Variants in BTBD7 observed in about 807,000 individuals in gnomAD.
BTBD7 encodes the protein BTB/POZ domain-containing protein 7.
In BTBD7, 38 loss-of-function variants were observed where a neutral mutation model predicts 99.9. The observed-to-expected ratio is 0.38, with a 90% CI of 0.29 to 0.50. The LOEUF (loss-of-function observed/expected upper bound fraction) is 0.50. Ranked by LOEUF, BTBD7 falls within the 20% of genes least tolerant of loss-of-function variation. The probability of loss-of-function intolerance (pLI) is 0.93; values close to 1 mark genes in which losing one functional copy is unlikely to be tolerated. For synonymous variants in BTBD7, 520 were observed against 511.4 expected, an observed-to-expected ratio of 1.02 and a Z score of -0.23; for missense variants, 1,170 against 1,394.6, an observed-to-expected ratio of 0.84 and a Z score of 2.57.
At chr14:93,288,644 T>C in intron 3 of BTBD7, 2 of 1,296,458 alleles carry the variant, frequency 1.5e-6, no homozygotes, top group Non-Finnish European at 2.2e-6. Context: ...TATTTAAGAT[T>C]GAGGCAGTAA....
chr14:93,257,475 A>G, intron 5 of BTBD7, 120 bp from the exon 6 acceptor site: 1 of 840,892 alleles, frequency 1.2e-6, no homozygotes, highest in Non-Finnish European at 1.8e-6. Context: ...CTCTGCTTTA[A>G]AAAGGGTTAT....
Position 93,260,692 on chromosome 14 carries a change from T to C in BTBD7, c.1447+910A>G, listed in dbSNP as rs150527981. ...CCTCAGCTTCCCAGGTGGCAGGGAT[T>C]ACAGGCACATGCCACCATGCCCAGC... is the stretch of plus-strand genomic sequence containing the variant. On this transcript the variant is annotated intron_variant, in intron 5 of 10. Coordinates refer to ENST00000334746, the MANE Select transcript of BTBD7 (RefSeq NM_001002860.4). Among the ~76,000 whole-genome samples the C allele has an allele frequency of 2.0e-3, 310 of 152,182 alleles. 5 individuals are homozygous for C. In the East Asian group the frequency reaches 0.022, roughly 11 times the overall value.
Position 93,332,950 on chromosome 14 carries a change from G to T in BTBD7, c.-237C>A, listed in dbSNP as rs920569872. The T allele has an allele frequency of 2.6e-6, 2 of 776,384 alleles. No individual in the cohort carries two copies. Among genetic ancestry groups the T allele is most frequent in the African/African-American group, 1.9e-5 (1 of 53,430 alleles). 48.1% of individuals were successfully genotyped at this position (776,384 alleles called of 1,614,324 possible). On this transcript the variant is annotated 5_prime_UTR_variant, in exon 1 of 11. Coordinates refer to ENST00000334746, the MANE Select transcript of BTBD7 (RefSeq NM_001002860.4). ...CCATCCTCCTCCCACCGCCGCCGCCGCCGCCCTCTCCTCTCCTGTCAGTGG... is the reference window on the plus strand; with the variant it reads ...CCATCCTCCTCCCACCGCCGCCGCCTCCGCCCTCTCCTCTCCTGTCAGTGG...
chr14:93,310,934 CAT>C (rs2053130065), intron 1 of BTBD7, among the ~76,000 whole-genome samples: 1 of 152,012 alleles, frequency 6.6e-6, no homozygotes, highest in Admixed American at 6.5e-5. Flanking sequence ...AAAACGATCA[CAT>C]GATAGTCTAT....
intron 5 of BTBD7, among the ~76,000 whole-genome samples, chr14:93,258,155 A>AT (rs1566838829): frequency 6.6e-6 from 1 of 151,794 alleles, no homozygotes; most frequent in African/African-American, 2.4e-5. Context: ...GAAATGCTGG[A>AT]TTTTTTTCAA....
rs578111294 is a variant in BTBD7 at position 93,324,953 on chromosome 14, C to T, written c.-107+7867G>A. Among the ~76,000 whole-genome samples the T allele has an allele frequency of 1.4e-3, 214 of 152,138 alleles. 1 individual carries two copies. The highest frequency in any genetic ancestry group is 2.6e-3 in the Non-Finnish European group (178 of 68,018). ...AGAACTCCAAACAATGGGATAAACA[C>T]ACACAAGACAGAGGCACAGGGAACA... On this transcript the variant is annotated intron_variant, in intron 1 of 10. Coordinates refer to ENST00000334746, the MANE Select transcript of BTBD7 (RefSeq NM_001002860.4).
At chr14:93,311,009 G>A (rs972889671) in intron 1 of BTBD7, among the ~76,000 whole-genome samples, 1 of 152,016 alleles carries the variant, frequency 6.6e-6, no homozygotes, top group Admixed American at 6.5e-5. Context: ...CTATTCAGTT[G>A]TCCTGATGCA....
intron 1 of BTBD7, among the ~76,000 whole-genome samples, chr14:93,304,677 C>T (rs2053049712): frequency 6.6e-6 from 1 of 152,046 alleles, no homozygotes; most frequent in South Asian, 2.1e-4. Context: ...AGAGGACTTG[C>T]AGAGAGAAAT....
intron 6 of BTBD7, chr14:93,255,500 A>G (rs1250982464): frequency 6.6e-6 from 1 of 151,884 alleles, no homozygotes; most frequent in Non-Finnish European, 1.5e-5. Flanking sequence ...TACTTTGCAT[A>G]ATCTTTTTTT....
At chr14:93,311,491 A>G (rs943914527) in intron 1 of BTBD7, among the ~76,000 whole-genome samples, 12 of 152,222 alleles carry the variant, frequency 7.9e-5, no homozygotes, top group Non-Finnish European at 1.6e-4. Context: ...ATATACACAC[A>G]TATCTACATA....
At chr14:93,305,908 G>A (rs1041369522) in intron 1 of BTBD7, among the ~76,000 whole-genome samples, 38 of 152,270 alleles carry the variant, frequency 2.5e-4, no homozygotes, top group African/African-American at 9.1e-4. Context: ...ATGCGTGTCA[G>A]CTCAGGTCTC....
Position 93,242,017 on chromosome 14 carries a change from C to A in BTBD7, c.*256G>T. ...CATTTGTAAAGAGAAATAAAAAGTG[C>A]CAGCCTGCTTGTTCTTAAAAATGCC... On this transcript the variant is annotated 3_prime_UTR_variant, in exon 11 of 11. Coordinates refer to ENST00000334746, the MANE Select transcript of BTBD7 (RefSeq NM_001002860.4). 2.1e-6 allele frequency: 1 copy of A among 465,766 alleles called. No homozygotes were observed. The highest frequency in any genetic ancestry group is 3.8e-6 in the Non-Finnish European group (1 of 265,378). The allele number at this position is 465,766 out of a possible 1,614,324, so 28.9% of individuals were successfully genotyped here.
intron 3 of BTBD7, among the ~76,000 whole-genome samples, chr14:93,289,038 GT>G (rs2139756574): frequency 6.6e-6 from 1 of 152,192 alleles, no homozygotes; most frequent in African/African-American, 2.4e-5. Flanking sequence ...GGTCTCCTGT[GT>G]TTTGTTGTGG....
At chr14:93,289,572 T>TC (rs1386703867) in intron 3 of BTBD7, among the ~76,000 whole-genome samples, 3 of 152,210 alleles carry the variant, frequency 2.0e-5, no homozygotes, top group Non-Finnish European at 4.4e-5. Context: ...TTCAACATCT[T>TC]CCCCATTGTT....
intron 1 of BTBD7, among the ~76,000 whole-genome samples, chr14:93,302,705 C>T (rs1436753738): frequency 5.3e-5 from 8 of 152,056 alleles, no homozygotes; most frequent in Non-Finnish European, 1.0e-4. Context: ...ATTAGCCCGG[C>T]GTGGTGGCAT....
intron 3 of BTBD7, among the ~76,000 whole-genome samples, chr14:93,291,130 G>A (rs1266899524): frequency 2.6e-5 from 4 of 151,422 alleles, no homozygotes; most frequent in African/African-American, 9.7e-5. Flanking sequence ...ACCACACCTG[G>A]CCTAGTAAAA....
intron 1 of BTBD7, among the ~76,000 whole-genome samples, chr14:93,317,588 A>C (rs2053222262): frequency 6.6e-6 from 1 of 152,196 alleles, no homozygotes; most frequent in Non-Finnish European, 1.5e-5. Context: ...TTTTTTACTT[A>C]TTTAAATTTT....
intron 4 of BTBD7, among the ~76,000 whole-genome samples, chr14:93,263,204 T>C (rs991200449): frequency 1.3e-5 from 2 of 152,258 alleles, no homozygotes; most frequent in African/African-American, 4.8e-5. Flanking sequence ...AAGTATTTTC[T>C]GTAATGTATA....
chr14:93,308,287 C>CA (rs869127588), intron 1 of BTBD7, among the ~76,000 whole-genome samples: 1,546 of 74,312 alleles, frequency 0.021, 25 homozygotes, highest in East Asian at 0.061. Context: ...ACTCGGTCTC[C>CA]AAAAAAAAAA....
Sources: gnomAD v4.1 joint callset for allele counts (sites outside exome capture counted in the v4.1 genomes callset) on GRCh38, gnomAD v4.1.1 for gene constraint, MANE v1.5 for transcripts, NCBI Gene and HGNC (gene_info 2026-07-23, HGNC 2026-07-21) for gene names.